Variants in SUSD4 observed in about 807,000 individuals in gnomAD.
SUSD4 encodes the protein sushi domain containing 4.
In SUSD4, 41 loss-of-function variants were observed where a neutral mutation model predicts 50.5. That is an observed-to-expected ratio of 0.81 (90% CI 0.63 to 1.05). The LOEUF (loss-of-function observed/expected upper bound fraction) is 1.05, where lower values mean the gene tolerates loss of function less well. SUSD4 is among the 50% of genes least tolerant of loss of function. The probability of loss-of-function intolerance (pLI) is 0.00; values close to 1 mark genes in which losing one functional copy is unlikely to be tolerated. For synonymous variants in SUSD4, 257 were observed against 257.3 expected (o/e 1.00, Z 0.01); for missense variants, 580 against 634.7 (o/e 0.91, Z 0.93).
intron 3 of SUSD4, among the ~76,000 whole-genome samples, chr1:223,279,556 C>T (rs1314615624): frequency 4.6e-5 from 7 of 152,138 alleles, no homozygotes; most frequent in South Asian, 4.2e-4. Flanking sequence ...GTTAAAGAAA[C>T]GAACAAAGCC....
chr1:223,317,759 AG>A (rs1302162597), intron 2 of SUSD4, among the ~76,000 whole-genome samples: 2 of 151,232 alleles, frequency 1.3e-5, no homozygotes, highest in African/African-American at 4.9e-5. Context: ...TCATGAGGCC[AG>A]GAAGCCCATT....
chr1:223,304,527 T>C lies in SUSD4; in HGVS notation c.149-11876A>G, dbSNP rs1420666552. Among the ~76,000 whole-genome samples, 3 of 152,044 alleles carry C rather than the reference T, an allele frequency of 2.0e-5. No individual in the cohort carries two copies. The East Asian group carries it at 5.8e-4, about 29-fold the overall frequency. On this transcript the variant is annotated intron_variant, in intron 2 of 8. Coordinates refer to ENST00000366878, the MANE Select transcript of SUSD4 (RefSeq NM_017982.4). ...CATGGTAACGGTGAGTATTGTTTTG[T>C]GTGGTTTTACTAGTTTTATTTGTGC...
chr1:223,222,526 G>A (rs1659196697), intron 8 of SUSD4, among the ~76,000 whole-genome samples: 1 of 152,184 alleles, frequency 6.6e-6, no homozygotes, highest in Non-Finnish European at 1.5e-5. Flanking sequence ...AGTACAGAAA[G>A]GCAGCGTGGT....
intron 2 of SUSD4, among the ~76,000 whole-genome samples, chr1:223,333,691 T>C (rs1244281463): frequency 6.6e-6 from 1 of 151,926 alleles, no homozygotes; most frequent in East Asian, 1.9e-4. Context: ...CGCTGGGGAA[T>C]TGGAAGCACC....
intron 3 of SUSD4, among the ~76,000 whole-genome samples, chr1:223,279,620 C>T (rs1468855024): frequency 6.6e-6 from 1 of 152,134 alleles, no homozygotes; most frequent in Non-Finnish European, 1.5e-5. Context: ...GATTGATGTA[C>T]CTGAAAGTGA....
At chr1:223,312,258 G>A (rs1338025841) in intron 2 of SUSD4, among the ~76,000 whole-genome samples, 1 of 152,182 alleles carries the variant, frequency 6.6e-6, no homozygotes, top group Non-Finnish European at 1.5e-5. Flanking sequence ...TGAAGCAGCT[G>A]CTATTTAATT....
chr1:223,346,242 A>C (rs945508387), intron 2 of SUSD4, among the ~76,000 whole-genome samples: 54 of 152,016 alleles, frequency 3.6e-4, no homozygotes, highest in African/African-American at 1.3e-3. Flanking sequence ...TGAGAACCAA[A>C]ACCCTAACGT....
chr1:223,239,480 C>T (rs564750657), intron 5 of SUSD4, among the ~76,000 whole-genome samples: 2 of 152,088 alleles, frequency 1.3e-5, no homozygotes, highest in South Asian at 2.1e-4. Context: ...AGCATTTTAT[C>T]TGATTACATT....
At chr1:223,346,537 T>G (rs1326916288) in intron 2 of SUSD4, among the ~76,000 whole-genome samples, 1 of 152,030 alleles carries the variant, frequency 6.6e-6, no homozygotes, top group Admixed American at 6.6e-5. Flanking sequence ...CTGGAAGCAG[T>G]GAGGCAAGGA....
At chr1:223,353,245 C>T (rs1392923339) in intron 2 of SUSD4, among the ~76,000 whole-genome samples, 2 of 152,150 alleles carry the variant, frequency 1.3e-5, no homozygotes, top group East Asian at 1.9e-4. Context: ...TGAGTTTTCA[C>T]GGGGGTCAGG....
chr1:223,306,283 C>A (rs572099287), intron 2 of SUSD4, among the ~76,000 whole-genome samples: 3 of 152,272 alleles, frequency 2.0e-5, no homozygotes, highest in East Asian at 3.9e-4. Flanking sequence ...AAAGCATGCC[C>A]AGCAACTTCA....
chr1:223,299,067 A>C (rs1257691983), intron 2 of SUSD4, among the ~76,000 whole-genome samples: 1 of 152,246 alleles, frequency 6.6e-6, no homozygotes, highest in Non-Finnish European at 1.5e-5. Context: ...TGAGCAAGAC[A>C]GTAATTTTCT....
At chr1:223,333,134 T>A (rs1667266110) in intron 2 of SUSD4, among the ~76,000 whole-genome samples, 1 of 151,718 alleles carries the variant, frequency 6.6e-6, no homozygotes, top group Admixed American at 6.6e-5. Flanking sequence ...GACTGTAACC[T>A]CCCCCGTTAC....
intron 2 of SUSD4, among the ~76,000 whole-genome samples, chr1:223,357,866 T>C (rs1185317115): frequency 6.6e-6 from 1 of 152,230 alleles, no homozygotes; most frequent in Admixed American, 6.5e-5. Context: ...AGCAGGACCA[T>C]ATTTGTACAC....
intron 5 of SUSD4, among the ~76,000 whole-genome samples, chr1:223,256,682 A>C (rs1190041941): frequency 6.6e-6 from 1 of 152,206 alleles, no homozygotes; most frequent in Non-Finnish European, 1.5e-5. Flanking sequence ...AGTTCTGGTT[A>C]AGAGCAGAAT....
chr1:223,250,338 A>C (rs920483348), intron 5 of SUSD4, among the ~76,000 whole-genome samples: 6 of 152,358 alleles, frequency 3.9e-5, no homozygotes, highest in African/African-American at 1.4e-4. Flanking sequence ...AGATGAAATG[A>C]GAGCAGTAAT....
chr1:223,237,538 C>G (rs537146269), intron 5 of SUSD4, among the ~76,000 whole-genome samples: 1 of 151,844 alleles, frequency 6.6e-6, no homozygotes, highest in East Asian at 1.9e-4. Flanking sequence ...TTCTAGTTTA[C>G]TGGGAGTTTT....
rs148483385 is a variant in SUSD4, at chr1:223,356,252, A to T, written c.148+7026T>A. Among the ~76,000 whole-genome samples, 107 of 152,008 alleles carry T rather than the reference A, an allele frequency of 7.0e-4. 1 individual carries two copies. The highest frequency in any genetic ancestry group is 1.1e-3 in the Non-Finnish European group (74 of 68,002). On this transcript the variant is annotated intron_variant, in intron 2 of 8. Transcript: ENST00000366878. The stretch of plus-strand genomic sequence containing the variant: ...TGAGAGAAGAAGAAATATTGGGCCA[A>T]ATTCTTTCCTAAAACACAGCATCTT...
chr1:223,314,321 G>A (rs920867847), intron 2 of SUSD4, among the ~76,000 whole-genome samples: 16 of 152,288 alleles, frequency 1.1e-4, no homozygotes, highest in South Asian at 6.2e-4. Context: ...TAAACATTCA[G>A]TGAGCGGAAA....
Sources: allele counts gnomAD v4.1 joint callset (sites outside exome capture counted in the v4.1 genomes callset), GRCh38; gene constraint gnomAD v4.1.1; transcripts MANE v1.5; gene names NCBI Gene and HGNC (gene_info 2026-07-23, HGNC 2026-07-21).